The following PREX1 variants were observed in gnomAD, a reference collection of about 807,000 sequenced individuals.
The protein encoded by PREX1 is phosphatidylinositol-3,4,5-trisphosphate dependent Rac exchange factor 1, also known as phosphatidylinositol 3,4,5-trisphosphate-dependent Rac exchanger 1 protein.
In PREX1, 41 loss-of-function variants were observed where a neutral mutation model predicts 198.3. That is an observed-to-expected ratio of 0.21 (90% CI 0.16 to 0.27). The LOEUF (loss-of-function observed/expected upper bound fraction) is 0.27, where lower values mean the gene tolerates loss of function less well. PREX1 is among the 10% of genes least tolerant of loss of function. The pLI is 1.00. For missense variants in PREX1, 1,620 were observed against 2,200.7 expected, an observed-to-expected ratio of 0.74 and a Z score of 5.28; for synonymous variants, 843 against 887.2, an observed-to-expected ratio of 0.95 and a Z score of 0.89.
intron 1 of PREX1, among the ~76,000 whole-genome samples, chr20:48,796,659 C>T (rs966513296): frequency 1.3e-5 from 2 of 150,134 alleles, no homozygotes; most frequent in Admixed American, 1.3e-4. Flanking sequence ...ATATAAATAT[C>T]CAGTTATATG....
In PREX1 at chr20:48,750,935, T is replaced by C. The variant is rs113659377; in HGVS notation, c.220-3055A>G. 2.6e-3 allele frequency among the ~76,000 whole-genome samples: 399 copies of C among 152,306 alleles called. 1 individual carries two copies. The highest frequency in any genetic ancestry group is 0.01 in the Middle Eastern group (3 of 294). On this transcript the variant is annotated intron_variant, in intron 1 of 39. Transcript: ENST00000371941. ...AAAGTGCACTAGCCTCTCTAAGTCT[T>C]CATTTACTCTTCCCAGTGGAATCAT...
chr20:48,677,920 A>G (rs1336841428), intron 13 of PREX1, among the ~76,000 whole-genome samples: 1 of 152,014 alleles, frequency 6.6e-6, no homozygotes, highest in Non-Finnish European at 1.5e-5. Context: ...CAGGAGGCAG[A>G]GGTTGCAGTG....
At chr20:48,647,321 GA>G (rs2089458966) in intron 25 of PREX1, among the ~76,000 whole-genome samples, 1 of 152,024 alleles carries the variant, frequency 6.6e-6, no homozygotes, top group Admixed American at 6.6e-5. Context: ...AAGAGATCAA[GA>G]CCATCCTGGC....
At chr20:48,756,948 C>G (rs573182265) in intron 1 of PREX1, among the ~76,000 whole-genome samples, 2 of 152,206 alleles carry the variant, frequency 1.3e-5, no homozygotes, top group Admixed American at 1.3e-4. Context: ...TAGGGGAACT[C>G]CCCTTTATAA....
intron 1 of PREX1, 43 bp from the exon 2 acceptor site, chr20:48,747,923 G>A (rs201804435): frequency 1.9e-6 from 3 of 1,549,338 alleles, no homozygotes; most frequent in South Asian, 2.3e-5. Flanking sequence ...CGCGTCTCCA[G>A]CTCTCCCATG....
At chr20:48,825,968 T>C (rs1048013170) in intron 1 of PREX1, among the ~76,000 whole-genome samples, 4 of 148,828 alleles carry the variant, frequency 2.7e-5, no homozygotes, top group African/African-American at 7.5e-5. Context: ...TGGTTTTCAA[T>C]GCTTCTGCAC....
chr20:48,819,382 CTT>C (rs1387973911), intron 1 of PREX1, among the ~76,000 whole-genome samples: 4 of 152,218 alleles, frequency 2.6e-5, no homozygotes, highest in Non-Finnish European at 5.9e-5. Context: ...TTTCTCCACT[CTT>C]TCCACCAGGG....
chr20:48,646,357 G>A (rs187500052), intron 25 of PREX1, among the ~76,000 whole-genome samples: 4 of 152,328 alleles, frequency 2.6e-5, no homozygotes, highest in East Asian at 1.9e-4. Flanking sequence ...GCAAATGGGC[G>A]TGGCTGTGTT....
chr20:48,745,675 A>G (rs1378106319), intron 2 of PREX1, among the ~76,000 whole-genome samples: 1 of 152,248 alleles, frequency 6.6e-6, no homozygotes, highest in Non-Finnish European at 1.5e-5. Context: ...CTCACAAACA[A>G]TATATGAGAT....
chr20:48,743,613 C>T (rs1051371553), intron 3 of PREX1, among the ~76,000 whole-genome samples: 1 of 152,224 alleles, frequency 6.6e-6, no homozygotes, highest in Non-Finnish European at 1.5e-5. Context: ...AGGAAGATAA[C>T]GTCGACATTT....
intron 30 of PREX1, 52 bp downstream of exon 30, chr20:48,639,714 C>T (rs2089393440): frequency 6.3e-6 from 10 of 1,598,960 alleles, no homozygotes; most frequent in East Asian, 4.5e-5. Context: ...AGGTTCCACA[C>T]CAAAAGCCAT....
At chr20:48,826,673 G>A (rs1675906022) in intron 1 of PREX1, among the ~76,000 whole-genome samples, 1 of 152,196 alleles carries the variant, frequency 6.6e-6, no homozygotes, top group African/African-American at 2.4e-5. Flanking sequence ...TGGCCAACAT[G>A]GTGAAATCCC....
intron 1 of PREX1, among the ~76,000 whole-genome samples, chr20:48,789,703 G>A (rs2090329030): frequency 6.6e-6 from 1 of 152,168 alleles, no homozygotes; most frequent in South Asian, 2.1e-4. Flanking sequence ...AAGGGAGGAG[G>A]TTCAGATTGA....
intron 19 of PREX1, among the ~76,000 whole-genome samples, chr20:48,654,318 C>A (rs546432757): frequency 2.0e-5 from 3 of 152,210 alleles, no homozygotes; most frequent in Non-Finnish European, 4.4e-5. Context: ...TTCTTTTTAC[C>A]GTCTTTGCCT....
chr20:48,826,806 C>G (rs2090510976), intron 1 of PREX1, among the ~76,000 whole-genome samples: 1 of 152,160 alleles, frequency 6.6e-6, no homozygotes, highest in Non-Finnish European at 1.5e-5. Flanking sequence ...TTGCAGTGAA[C>G]CGAGATTGCG....
chr20:48,737,163 A>C (rs577623155), intron 3 of PREX1, among the ~76,000 whole-genome samples: 1 of 141,356 alleles, frequency 7.1e-6, no homozygotes, highest in African/African-American at 2.8e-5. Flanking sequence ...CAGAAACTTC[A>C]TTACCTTTTT....
At chr20:48,875,748 T>A in the PREX1 span, among the ~76,000 whole-genome samples, 1 of 151,804 alleles carries the variant, frequency 6.6e-6, no homozygotes, top group Non-Finnish European at 1.5e-5. Flanking sequence ...GGGGAGGGAT[T>A]GGGTTTGGAG....
intron 1 of PREX1, among the ~76,000 whole-genome samples, chr20:48,780,456 T>C (rs551533503): frequency 1.3e-5 from 2 of 151,340 alleles, no homozygotes; most frequent in Non-Finnish European, 2.9e-5. Flanking sequence ...ATCTCTACCA[T>C]CTCTACAAAA....
chr20:48,734,951 G>A (rs369008922), intron 3 of PREX1, among the ~76,000 whole-genome samples: 2 of 152,216 alleles, frequency 1.3e-5, no homozygotes, highest in Non-Finnish European at 2.9e-5. Context: ...TGTATTTCCT[G>A]TGAACCTGGG....
Sources: gnomAD v4.1 joint callset for allele counts (sites outside exome capture counted in the v4.1 genomes callset) on GRCh38, gnomAD v4.1.1 for gene constraint, MANE v1.5 for transcripts, NCBI Gene and HGNC (gene_info 2026-07-23, HGNC 2026-07-21) for gene names.